PLB1: variants seen among roughly 807,000 people sequenced by gnomAD.
PLB1 encodes the protein phospholipase B1, also known as phospholipase B1, membrane-associated.
A neutral mutation model predicts 227.4 loss-of-function variants in PLB1; 242 were observed. The observed-to-expected ratio is 1.06, with a 90% CI of 0.96 to 1.18. PLB1 has a LOEUF of 1.18. PLB1 is among the 50% of genes most tolerant of loss of function. PLB1 has a pLI of 0.00. For missense variants in PLB1, 1,858 were observed against 1,816.3 expected (o/e 1.02, Z -0.42); for synonymous variants, 757 against 682.2 (o/e 1.11, Z -1.71).
rs150329208 is a variant in PLB1, at chr2:28,589,706, C to T, written c.1952C>T (p.Pro651Leu). Residue 651 changes from proline (P) to leucine (L), a missense_variant, in exon 28 of 58, where the codon CCT becomes CTT. Physicochemically the swap from Pro to Leu is moderately conservative, Grantham distance 98. Coordinates refer to ENST00000327757, the MANE Select transcript of PLB1 (RefSeq NM_153021.5). ...TTGCCTGACAACTCTTTCTTCGCTC[C>T]TGACTGTTTCCACTTCAGCAGCAAG... ...EGLPDNSFFA[P>L]DCFHFSSKSH... The T allele has an allele frequency of 1.2e-6, 2 of 1,614,108 alleles. No individual in the cohort carries two copies. Among genetic ancestry groups the T allele is most frequent in the South Asian group, 2.2e-5 (2 of 91,092 alleles).
chr2:28,517,870 C>CT (rs751699033), intron 2 of PLB1, among the ~76,000 whole-genome samples: 2,208 of 133,826 alleles, frequency 0.016, 28 homozygotes, highest in South Asian at 0.062. Flanking sequence ...AGAACTTTCT[C>CT]TTTTTTTTTT....
intron 43 of PLB1, among the ~76,000 whole-genome samples, chr2:28,611,362 A>G (rs954277821): frequency 6.6e-6 from 1 of 152,116 alleles, no homozygotes; most frequent in Non-Finnish European, 1.5e-5. Context: ...AGTGCCTCCC[A>G]TTCTGGTCAC....
chr2:28,537,679 AAAG>A (rs1271150966), intron 9 of PLB1, among the ~76,000 whole-genome samples: 1 of 151,622 alleles, frequency 6.6e-6, no homozygotes, highest in African/African-American at 2.4e-5. Flanking sequence ...AAAAAAAAAA[AAAG>A]GTAAAGCAGG....
intron 35 of PLB1, 29 bp from the exon 36 acceptor site, chr2:28,600,780 C>T: frequency 6.2e-7 from 1 of 1,610,504 alleles, no homozygotes; most frequent in South Asian, 1.1e-5. Flanking sequence ...TGTTCCTCAA[C>T]AGAAGGATGG....
chr2:28,629,790 C>A (rs938028527), intron 53 of PLB1, among the ~76,000 whole-genome samples: 1 of 152,184 alleles, frequency 6.6e-6, no homozygotes, highest in African/African-American at 2.4e-5. Context: ...ATGGGCAAGA[C>A]AAGAACTCCT....
At chr2:28,606,219 C>T (rs759524408) in intron 42 of PLB1, among the ~76,000 whole-genome samples, 5 of 152,318 alleles carry the variant, frequency 3.3e-5, no homozygotes, top group Admixed American at 6.5e-5. Context: ...CCCTATGTGC[C>T]GGCCACCATG....
At chr2:28,606,655 C>CAGCA in intron 43 of PLB1, 88 bp downstream of exon 43, 1 of 1,207,800 alleles carries the variant, frequency 8.3e-7, no homozygotes, top group Non-Finnish European at 1.2e-6. Context: ...ACAGCTTCCT[C>CAGCA]AGTACCCATC....
intron 24 of PLB1, 79 bp from the exon 25 acceptor site, chr2:28,582,326 G>T: frequency 7.6e-7 from 1 of 1,309,374 alleles, no homozygotes. Flanking sequence ...TGAAACTTCA[G>T]CAGGAGGAGC....
chr2:28,639,079 A>G (rs891172346), intron 56 of PLB1, among the ~76,000 whole-genome samples: 3 of 151,694 alleles, frequency 2.0e-5, no homozygotes, highest in African/African-American at 7.3e-5. Flanking sequence ...AAAAAAAAAA[A>G]AAGCCACTAC....
intron 44 of PLB1, among the ~76,000 whole-genome samples, chr2:28,617,520 A>G (rs909763875): frequency 1.3e-5 from 2 of 152,226 alleles, no homozygotes; most frequent in African/African-American, 4.8e-5. Context: ...TGGGTTGTGC[A>G]TAGGGGTAGC....
intron 7 of PLB1, 100 bp from the exon 8 acceptor site, chr2:28,529,620 TGGATAAAG>T: frequency 8.4e-7 from 1 of 1,190,554 alleles, no homozygotes; most frequent in Non-Finnish European, 1.2e-6. Flanking sequence ...AAGCCAGGGG[TGGATAAAG>T]CTTAGAGACT....
chr2:28,632,937 G>C lies in PLB1; in HGVS notation c.4003-7G>C. Reference sequence around the variant, plus strand: ...CAGGATGATAACCTCCTTGCCGTTGGTTGCAGAGAGGGGACACTGACCTCA... The same window carrying C: ...CAGGATGATAACCTCCTTGCCGTTGCTTGCAGAGAGGGGACACTGACCTCA... On this transcript the variant is annotated splice_region_variant and splice_polypyrimidine_tract_variant and intron_variant, in intron 55 of 57. Coordinates refer to ENST00000327757, the MANE Select transcript of PLB1 (RefSeq NM_153021.5). 1 of 1,611,854 alleles carries C rather than the reference G, an allele frequency of 6.2e-7. No homozygotes were observed. Among genetic ancestry groups the C allele is most frequent in the South Asian group, 1.1e-5 (1 of 91,030 alleles).
chr2:28,641,630 G>A (rs778453358), intron 57 of PLB1, among the ~76,000 whole-genome samples: 1 of 152,106 alleles, frequency 6.6e-6, no homozygotes, highest in African/African-American at 2.4e-5. Context: ...TCAAGCAGCT[G>A]TCCCGTGCCA....
At chr2:28,639,917 C>T (rs1028895150) in intron 56 of PLB1, among the ~76,000 whole-genome samples, 2 of 152,188 alleles carry the variant, frequency 1.3e-5, no homozygotes, top group African/African-American at 4.8e-5. Context: ...GTAGCCAGCC[C>T]AGCACTGCAC....
At chr2:28,496,219 T>C in intron 1 of PLB1, 50 bp downstream of exon 1, 1 of 1,565,450 alleles carries the variant, frequency 6.4e-7, no homozygotes, top group Non-Finnish European at 8.8e-7. Context: ...GCCCCGCTGG[T>C]GTCCCATGTT....
intron 13 of PLB1, among the ~76,000 whole-genome samples, chr2:28,542,073 C>T (rs935680408): frequency 2.2e-4 from 33 of 149,544 alleles, no homozygotes; most frequent in Non-Finnish European, 3.7e-4. Flanking sequence ...GCAGAGGCTT[C>T]AGTGAGCTGA....
chr2:28,599,969 A>T (rs968725329), intron 35 of PLB1, among the ~76,000 whole-genome samples: 1 of 152,058 alleles, frequency 6.6e-6, no homozygotes, highest in Non-Finnish European at 1.5e-5. Context: ...GTGCTATGGC[A>T]TGATCTCAGT....
rs574536858 is a variant in PLB1 at position 28,611,077 on chromosome 2, G to T, written c.3130-2954G>T. Reference sequence around the variant, plus strand: ...CAATAAAACCCAATAAAACCCATTAGACAGGAACATAGGAGTTGGAAAAAA... The same window carrying T: ...CAATAAAACCCAATAAAACCCATTATACAGGAACATAGGAGTTGGAAAAAA... On this transcript the variant is annotated intron_variant, in intron 43 of 57. Coordinates refer to ENST00000327757, the MANE Select transcript of PLB1 (RefSeq NM_153021.5). Among the ~76,000 whole-genome samples the T allele has an allele frequency of 3.9e-5, 6 of 152,144 alleles. No individual in the cohort carries two copies. In the East Asian group the frequency reaches 1.2e-3, roughly 29 times the overall value.
chr2:28,505,789 C>A (rs1667576556), intron 1 of PLB1, among the ~76,000 whole-genome samples: 1 of 152,102 alleles, frequency 6.6e-6, no homozygotes, highest in South Asian at 2.1e-4. Flanking sequence ...CTTTTGGTGG[C>A]CTGAGTCCTT....
Sources: allele counts gnomAD v4.1 joint callset (sites outside exome capture counted in the v4.1 genomes callset), GRCh38; gene constraint gnomAD v4.1.1; transcripts MANE v1.5; gene names NCBI Gene and HGNC (gene_info 2026-07-23, HGNC 2026-07-21).